Variants in LSAMP observed in about 807,000 individuals in gnomAD.
The protein encoded by LSAMP is limbic system-associated membrane protein.
LSAMP carries 7 observed loss-of-function variants against 38.6 expected under a neutral mutation model. The ratio of observed to expected loss-of-function variants is 0.18; its 90% confidence interval spans 0.10 to 0.34. The LOEUF (loss-of-function observed/expected upper bound fraction) is 0.34, where lower values mean the gene tolerates loss of function less well. LSAMP is among the 10% of genes least tolerant of loss of function. LSAMP has a pLI of 1.00. For synonymous variants in LSAMP, 154 were observed against 166.8 expected (o/e 0.92, Z 0.59); for missense variants, 313 against 420.0 (o/e 0.75, Z 2.23).
At chr3:115,896,838 T>G (rs1209081673) in intron 3 of LSAMP, among the ~76,000 whole-genome samples, 1 of 152,116 alleles carries the variant, frequency 6.6e-6, no homozygotes, top group Admixed American at 6.6e-5. Flanking sequence ...CTTCTTTTTT[T>G]TATGGTCATG....
chr3:116,137,699 C>T (rs1709282193), intron 1 of LSAMP, among the ~76,000 whole-genome samples: 1 of 152,054 alleles, frequency 6.6e-6, no homozygotes, highest in Admixed American at 6.6e-5. Context: ...TGAATCAAGA[C>T]AGAAAAATCT....
chr3:116,134,523 C>G (rs527276880), intron 1 of LSAMP, among the ~76,000 whole-genome samples: 2 of 152,310 alleles, frequency 1.3e-5, no homozygotes, highest in South Asian at 4.1e-4. Flanking sequence ...CAACCCATCC[C>G]CTTTTCACCG....
At chr3:115,827,949 A>T (rs966069561) in intron 6 of LSAMP, among the ~76,000 whole-genome samples, 2 of 152,166 alleles carry the variant, frequency 1.3e-5, no homozygotes, top group African/African-American at 4.8e-5. Flanking sequence ...AATACCTACA[A>T]ATAACTTGTG....
intron 1 of LSAMP, among the ~76,000 whole-genome samples, chr3:116,437,297 G>T (rs7638540): frequency 0.18 from 27,818 of 151,762 alleles, 2,834 homozygotes; most frequent in Middle Eastern, 0.29. Context: ...CAAATATGGT[G>T]CAGTGTATAC....
chr3:116,356,228 A>T (rs1328226672), intron 1 of LSAMP, among the ~76,000 whole-genome samples: 1 of 152,236 alleles, frequency 6.6e-6, no homozygotes, highest in East Asian at 1.9e-4. Context: ...CATATTATAT[A>T]CAATGGAGTA....
At chr3:116,377,258 T>C (rs1203997509) in intron 1 of LSAMP, among the ~76,000 whole-genome samples, 1 of 151,854 alleles carries the variant, frequency 6.6e-6, no homozygotes, top group Non-Finnish European at 1.5e-5. Flanking sequence ...GGCCCAAGTG[T>C]ATGTTGTTCC....
intron 1 of LSAMP, among the ~76,000 whole-genome samples, chr3:116,108,900 A>T (rs1708533079): frequency 6.6e-6 from 1 of 152,050 alleles, no homozygotes; most frequent in Non-Finnish European, 1.5e-5. Flanking sequence ...AGGAATTGCA[A>T]CTTTTTTCTG....
intron 1 of LSAMP, among the ~76,000 whole-genome samples, chr3:116,195,172 G>A (rs1192138657): frequency 6.6e-6 from 1 of 152,220 alleles, no homozygotes; most frequent in African/African-American, 2.4e-5. Context: ...CTTGACTCCA[G>A]TAACCCCAAT....
At chr3:116,165,967 T>A (rs1272804587) in intron 1 of LSAMP, among the ~76,000 whole-genome samples, 4 of 152,172 alleles carry the variant, frequency 2.6e-5, no homozygotes, top group African/African-American at 9.7e-5. Context: ...AAAAACATCA[T>A]ATGTGTGTGT....
chr3:116,004,260 G>A (rs1371203156), intron 3 of LSAMP, among the ~76,000 whole-genome samples: 1 of 151,774 alleles, frequency 6.6e-6, no homozygotes, highest in Non-Finnish European at 1.5e-5. Context: ...GTGCTTTGAG[G>A]GTAAAAATTC....
chr3:116,392,669 CA>C (rs898284900), intron 1 of LSAMP, among the ~76,000 whole-genome samples: 3 of 152,182 alleles, frequency 2.0e-5, no homozygotes, highest in African/African-American at 7.2e-5. Flanking sequence ...GGTCTGAAAT[CA>C]GGGGGCTGGG....
chr3:115,848,982 T>A (rs1935245923), intron 4 of LSAMP, among the ~76,000 whole-genome samples: 1 of 152,228 alleles, frequency 6.6e-6, no homozygotes, highest in Non-Finnish European at 1.5e-5. Context: ...GGCACTAGGA[T>A]GAGTCAAGCT....
chr3:116,191,971 A>T (rs1710764504), intron 1 of LSAMP, among the ~76,000 whole-genome samples: 1 of 152,126 alleles, frequency 6.6e-6, no homozygotes, highest in South Asian at 2.1e-4. Flanking sequence ...TAGCTTCTCC[A>T]TCTGCATACT....
intron 1 of LSAMP, among the ~76,000 whole-genome samples, chr3:116,209,126 G>T (rs570550680): frequency 1.3e-5 from 2 of 152,212 alleles, no homozygotes; most frequent in Non-Finnish European, 2.9e-5. Flanking sequence ...AAGCCGGTCC[G>T]AAAAGCGCAG....
intron 1 of LSAMP, among the ~76,000 whole-genome samples, chr3:116,146,567 A>G (rs1709495607): frequency 6.6e-6 from 1 of 151,974 alleles, no homozygotes; most frequent in African/African-American, 2.4e-5. Flanking sequence ...TACTTTTGCT[A>G]TCACCATACC....
In LSAMP at chr3:116,228,131, C is replaced by T. The variant is rs550682374; in HGVS notation, c.156-141575G>A. ...ATTTCTTTAAACCTTTAAAAATTGT[C>T]CTTATGTGGTCCACAATTTTTCTAA... On this transcript the variant is annotated intron_variant, in intron 1 of 6. Coordinates refer to ENST00000490035, the MANE Select transcript of LSAMP (RefSeq NM_002338.5). Among the ~76,000 whole-genome samples the T allele has an allele frequency of 2.6e-3, 397 of 152,068 alleles. 2 individuals carry two copies. The highest frequency in any genetic ancestry group is 0.013 in the South Asian group (63 of 4,818).
chr3:116,028,103 C>T (rs1940835428), intron 2 of LSAMP, among the ~76,000 whole-genome samples: 1 of 150,670 alleles, frequency 6.6e-6, no homozygotes, highest in Non-Finnish European at 1.5e-5. Flanking sequence ...TATGGTGTGT[C>T]TATGTAAGAA....
At chr3:115,827,742 G>A (rs1447111305) in intron 6 of LSAMP, among the ~76,000 whole-genome samples, 1 of 152,116 alleles carries the variant, frequency 6.6e-6, no homozygotes, top group Non-Finnish European at 1.5e-5. Context: ...ATTCTCCGTG[G>A]AGTCCTAGTG....
chr3:116,379,357 C>T (rs1320114584), intron 1 of LSAMP, among the ~76,000 whole-genome samples: 1 of 151,954 alleles, frequency 6.6e-6, no homozygotes, highest in African/African-American at 2.4e-5. Flanking sequence ...AGAATCACGA[C>T]TCTTAGAGAT....
Sources: allele counts gnomAD v4.1 joint callset (sites outside exome capture counted in the v4.1 genomes callset), GRCh38; gene constraint gnomAD v4.1.1; transcripts MANE v1.5; gene names NCBI Gene and HGNC (gene_info 2026-07-23, HGNC 2026-07-21).